The following ANO10 variants were observed in gnomAD, a reference collection of about 807,000 sequenced individuals.
ANO10 encodes the protein anoctamin-10.
Under a neutral mutation model 74.7 loss-of-function variants are expected in ANO10, and 77 were observed. The observed-to-expected ratio is 1.03, with a 90% CI of 0.86 to 1.25. The LOEUF is 1.25. Among genes scored for constraint, ANO10 ranks in the 50% most tolerant of loss-of-function variants. The pLI, the probability that ANO10 is intolerant of heterozygous loss-of-function variation, is 0.00. For missense variants in ANO10, 721 were observed against 778.1 expected, an observed-to-expected ratio of 0.93 and a Z score of 0.87; for synonymous variants, 279 against 284.9, an observed-to-expected ratio of 0.98 and a Z score of 0.21.
At chr3:43,507,350 G>A (rs544901258) in intron 11 of ANO10, among the ~76,000 whole-genome samples, 8 of 152,066 alleles carry the variant, frequency 5.3e-5, no homozygotes, top group Admixed American at 6.5e-5. Flanking sequence ...AGTGTTCAGC[G>A]AGGCTCAGGG....
chr3:43,647,479 C>T lies in ANO10; in HGVS notation c.-11-41616G>A, dbSNP rs971858149. Among the ~76,000 whole-genome samples the T allele has an allele frequency of 4.6e-5, 7 of 152,028 alleles. No individual in the cohort carries two copies. In the East Asian group the frequency reaches 5.8e-4, roughly 13 times the overall value. Reference sequence around the variant, plus strand: ...AGTTTTATTCTCTCTAGGCCCTCAACGGCTTGGGTGATGCCCACACACCTT... The same window carrying T: ...AGTTTTATTCTCTCTAGGCCCTCAATGGCTTGGGTGATGCCCACACACCTT... On this transcript the variant is annotated intron_variant, in intron 1 of 3. Transcript: ENST00000413397.
intron 1 of ANO10, among the ~76,000 whole-genome samples, chr3:43,650,116 A>G (rs2083771401): frequency 6.6e-6 from 1 of 152,210 alleles, no homozygotes; most frequent in African/African-American, 2.4e-5. Context: ...AGTGTCCCAG[A>G]AGAATCAGGT....
chr3:43,445,160 C>T (rs1423645896), intron 11 of ANO10, among the ~76,000 whole-genome samples: 1 of 146,220 alleles, frequency 6.8e-6, no homozygotes. Context: ...GAGATGCACA[C>T]AGATCTTGGT....
At chr3:43,447,975 C>T (rs930230004) in intron 11 of ANO10, among the ~76,000 whole-genome samples, 2 of 152,116 alleles carry the variant, frequency 1.3e-5, no homozygotes, top group African/African-American at 2.4e-5. Flanking sequence ...ACCTCCAACA[C>T]GATGGTTTTA....
chr3:43,578,749 CAAAAAAAAAAAAAAAA>C (rs56186109), intron 5 of ANO10, among the ~76,000 whole-genome samples: 3 of 64,438 alleles, frequency 4.7e-5, no homozygotes, highest in Non-Finnish European at 6.0e-5. Context: ...GACTCCATCT[CAAAAAAAAAAAAAAAA>C]AAAAAAAAAA....
chr3:43,688,500 T>C (rs2084303991), intron 1 of ANO10, among the ~76,000 whole-genome samples: 1 of 152,230 alleles, frequency 6.6e-6, no homozygotes, highest in Non-Finnish European at 1.5e-5. Context: ...TTCTACTTTA[T>C]CTATTGTTCC....
intron 10 of ANO10, among the ~76,000 whole-genome samples, chr3:43,552,402 T>A (rs1438664876): frequency 6.6e-6 from 1 of 151,894 alleles, no homozygotes; most frequent in Non-Finnish European, 1.5e-5. Context: ...TAAAAAAAAT[T>A]TTTTTCTACA....
intron 12 of ANO10, among the ~76,000 whole-genome samples, chr3:43,416,318 T>C (rs1462480627): frequency 6.6e-6 from 1 of 152,232 alleles, no homozygotes; most frequent in Non-Finnish European, 1.5e-5. Context: ...TACAAGATTC[T>C]TTCCAAACTG....
chr3:43,431,782 T>C (rs1241720143), intron 12 of ANO10, among the ~76,000 whole-genome samples: 1 of 152,118 alleles, frequency 6.6e-6, no homozygotes, highest in Non-Finnish European at 1.5e-5. Context: ...GGTTCTCCTG[T>C]CCGGCGCACT....
At chr3:43,483,778 G>C (rs916187480) in intron 11 of ANO10, among the ~76,000 whole-genome samples, 11 of 152,138 alleles carry the variant, frequency 7.2e-5, no homozygotes, top group Non-Finnish European at 1.5e-4. Flanking sequence ...GGTGTACATT[G>C]GTTCATCCTA....
rs545045265 is a variant in ANO10, at chr3:43,541,216, T to TA, written c.1797+8503dup. Among the ~76,000 whole-genome samples the TA allele has an allele frequency of 9.3e-4, 142 of 152,360 alleles. 1 individual carries two copies. The highest frequency in any genetic ancestry group is 1.6e-3 in the Non-Finnish European group (107 of 68,036). Reference sequence around the variant, plus strand: ...AGTTTTAAACTGAATTCTCAGAACTTAATCAAACCTTTCAATTAGGTGAAG... The same window carrying TA: ...AGTTTTAAACTGAATTCTCAGAACTTAAATCAAACCTTTCAATTAGGTGAAG... On this transcript the variant is annotated intron_variant, in intron 11 of 12. Coordinates refer to ENST00000292246, the MANE Select transcript of ANO10 (RefSeq NM_018075.5).
At chr3:43,652,915 A>G (rs1384635878) in intron 1 of ANO10, 1 of 152,074 alleles carries the variant, frequency 6.6e-6, no homozygotes, top group Non-Finnish European at 1.5e-5. Context: ...TAAGAAAATT[A>G]TCAATGCCAG....
At chr3:43,568,853 G>C (rs1279847284) in intron 7 of ANO10, among the ~76,000 whole-genome samples, 10,538 of 143,164 alleles carry the variant, frequency 0.074, 623 homozygotes, top group African/African-American at 0.17. Context: ...AACTGAAGGA[G>C]ATAGAGACAC....
chr3:43,549,572 G>A, intron 11 of ANO10, 148 bp downstream of exon 11: 1 of 862,064 alleles, frequency 1.2e-6, no homozygotes, highest in Non-Finnish European at 1.9e-6. Context: ...GAATCCTCAT[G>A]TTTTCTATTA....
chr3:43,469,544 G>A (rs907098995), intron 11 of ANO10, among the ~76,000 whole-genome samples: 1 of 152,100 alleles, frequency 6.6e-6, no homozygotes, highest in African/African-American at 2.4e-5. Context: ...AAATTCTAAA[G>A]GCTTCTGGAA....
chr3:43,639,139 G>C (rs997559600), intron 1 of ANO10: 1 of 152,328 alleles, frequency 6.6e-6, no homozygotes, highest in Non-Finnish European at 1.5e-5. Context: ...TGTAATACCT[G>C]GGAATCACCT....
intron 1 of ANO10, among the ~76,000 whole-genome samples, chr3:43,677,108 C>G (rs915570250): frequency 1.3e-5 from 2 of 152,140 alleles, no homozygotes; most frequent in Non-Finnish European, 2.9e-5. Context: ...CAACAGTGGA[C>G]TGGACAAAGA....
At chr3:43,367,412 G>T (rs2125663115) in intron 12 of ANO10, among the ~76,000 whole-genome samples, 1 of 152,274 alleles carries the variant, frequency 6.6e-6, no homozygotes, top group Admixed American at 6.5e-5. Context: ...TGCCTATTTT[G>T]CAGGGTGGCT....
chr3:43,567,392 A>T (rs1334476817), intron 7 of ANO10, among the ~76,000 whole-genome samples: 9 of 152,166 alleles, frequency 5.9e-5, no homozygotes, highest in Non-Finnish European at 1.3e-4. Context: ...CAGATTCACC[A>T]AAGTTGATAT....
Sources: gnomAD v4.1 joint callset for allele counts (sites outside exome capture counted in the v4.1 genomes callset) on GRCh38, gnomAD v4.1.1 for gene constraint, MANE v1.5 for transcripts, NCBI Gene and HGNC (gene_info 2026-07-23, HGNC 2026-07-21) for gene names.